The following BPTF variants were observed in gnomAD, a reference collection of about 807,000 sequenced individuals.
BPTF encodes bromodomain PHD finger transcription factor, also known as nucleosome-remodeling factor subunit BPTF.
BPTF carries 18 observed loss-of-function variants against 292.5 expected under a neutral mutation model. The ratio of observed to expected loss-of-function variants is 0.06; its 90% CI spans 0.04 to 0.09. The LOEUF is 0.09. BPTF is among the 10% of genes least tolerant of loss of function. The pLI, the probability that BPTF is intolerant of heterozygous loss-of-function variation, is 1.00. For synonymous variants in BPTF, 1,225 were observed against 1,251.9 expected (o/e 0.98, Z 0.45); for missense variants, 2,726 against 3,498.7 (o/e 0.78, Z 5.57).
At chr17:67,967,630 G>A (rs1488238194) in intron 26 of BPTF, among the ~76,000 whole-genome samples, 1 of 151,938 alleles carries the variant, frequency 6.6e-6, no homozygotes, top group Non-Finnish European at 1.5e-5. Flanking sequence ...AGACCAGCCT[G>A]GCCAACATGG....
chr17:67,955,323 G>A lies in BPTF; in HGVS notation c.7927-4218G>A, dbSNP rs1568171619. On this transcript the variant is annotated intron_variant, in intron 23 of 27. Coordinates refer to ENST00000306378, the MANE Select transcript of BPTF (RefSeq NM_182641.4). ...AAAAAAAGCTTCCTGAGGTACTCAT[G>A]TAATGATTGTTACTAGTGTAGTTGG... 3 of 148,160 alleles carry A rather than the reference G, an allele frequency of 2.0e-5. No individual in the cohort carries two copies. In the South Asian group the frequency reaches 6.3e-4, roughly 31 times the overall value. The allele number at this position is 148,160 out of a possible 1,614,324, so 9.2% of individuals were successfully genotyped here. A position where few individuals can be genotyped will look rare whatever the true frequency, so the allele number is the denominator to read the frequency against.
At position 67,913,170 on chromosome 17, in the gene BPTF, C is replaced by T. The variant is rs1327722930; in HGVS notation, c.5286C>T (p.Thr1762=). 1.9e-6 allele frequency: 3 copies of T among 1,601,704 alleles called. No homozygotes were observed. The highest frequency in any genetic ancestry group is 2.6e-6 in the Non-Finnish European group (3 of 1,175,738). Residue 1762 remains threonine, a synonymous_variant, in exon 11 of 28, where the codon ACC becomes ACT. Transcript: ENST00000306378. ...GGCCATATCCTTCTCCTAGACCGAC[C>T]TTTGGCATCACTTGGAGGTATGTAC... ...DIWPYPSPRP[T]FGITWRYRLQ...
At chr17:67,838,413 AAC>A (rs1359116756) in intron 1 of BPTF, among the ~76,000 whole-genome samples, 1 of 152,232 alleles carries the variant, frequency 6.6e-6, no homozygotes, top group Non-Finnish European at 1.5e-5. Flanking sequence ...ACATTTAGAA[AAC>A]CCAGAACATT....
chr17:67,939,733 A>T (rs1265421319), intron 18 of BPTF, among the ~76,000 whole-genome samples: 2 of 152,184 alleles, frequency 1.3e-5, no homozygotes, highest in Non-Finnish European at 2.9e-5. Context: ...ACAAAAAATT[A>T]GTCGGGTGTG....
chr17:67,874,902 G>A lies in BPTF; in HGVS notation c.1746G>A (p.Glu582=). 2 of 1,613,712 alleles carry A rather than the reference G, an allele frequency of 1.2e-6. No homozygotes were observed. Among genetic ancestry groups the A allele is most frequent in the Non-Finnish European group, 1.7e-6 (2 of 1,179,776 alleles). ...AAGAAACAGAAAAAGACAAGAATGAGACTGAGAATGACTCTAAAGATGCTG... is the reference window on the plus strand; with the variant it reads ...AAGAAACAGAAAAAGACAAGAATGAAACTGAGAATGACTCTAAAGATGCTG... The part of the protein sequence containing the change: ...SPEETEKDKN[E]TENDSKDAEK... Residue 582 remains glutamate (E), a synonymous_variant, in exon 4 of 28, where the codon GAG becomes GAA. Coordinates refer to ENST00000306378, the MANE Select transcript of BPTF (RefSeq NM_182641.4).
At chr17:67,866,234 T>C (rs2059383960) in intron 2 of BPTF, among the ~76,000 whole-genome samples, 1 of 152,240 alleles carries the variant, frequency 6.6e-6, no homozygotes, top group Non-Finnish European at 1.5e-5. Context: ...TTCCACAAAG[T>C]ACTCTCACGT....
intron 24 of BPTF, 87 bp from the exon 25 acceptor site, chr17:67,964,125 G>C (rs1182840552): frequency 7.3e-7 from 1 of 1,373,796 alleles, no homozygotes; most frequent in Non-Finnish European, 1.0e-6. Context: ...ATATCCCAGG[G>C]TTTAGCAAAT....
intron 23 of BPTF, among the ~76,000 whole-genome samples, chr17:67,958,359 A>T (rs117069581): frequency 0.012 from 1,801 of 152,202 alleles, 19 homozygotes; most frequent in Non-Finnish European, 0.017. Context: ...TACAGTAAAG[A>T]AGCTGGCCAA....
At position 67,917,131 on chromosome 17, in the gene BPTF, C is replaced by CTTTTCCTTTCTTTTTTTTT. The variant is rs1194058584; in HGVS notation, c.5304-1579_5304-1578insCCTTTCTTTTTTTTTTTTT. Among the ~76,000 whole-genome samples, 55 of 105,782 alleles carry CTTTTCCTTTCTTTTTTTTT rather than the reference C, an allele frequency of 5.2e-4. 4 individuals are homozygous for CTTTTCCTTTCTTTTTTTTT. Among genetic ancestry groups the CTTTTCCTTTCTTTTTTTTT allele is most frequent in the African/African-American group, 2.0e-3 (55 of 27,630 alleles). The allele number at this position is 105,782 out of a possible 152,430, so 69.4% of individuals were successfully genotyped here. A position where few individuals can be genotyped will look rare whatever the true frequency, so the allele number is the denominator to read the frequency against. On this transcript the variant is annotated intron_variant, in intron 11 of 27. Transcript: ENST00000306378. ...GATAAGTAACTAATATGGTATTGTC[C>CTTTTCCTTTCTTTTTTTTT]TTTTTTTTTTTTTTTTTTTGAGATA...
rs1443934738 is a variant in BPTF, at chr17:67,964,200, C to T, written c.8262-12C>T. The T allele has an allele frequency of 7.5e-6, 12 of 1,599,810 alleles. No individual in the cohort carries two copies. The Admixed American group carries it at 8.4e-5, about 11-fold the overall frequency. ...GTGTTTTGAACTCACATTTCCATTT[C>T]GGATCTTGCAGATTTTATATTGGCT... On this transcript the variant is annotated splice_polypyrimidine_tract_variant and intron_variant, in intron 24 of 27. Coordinates refer to ENST00000306378, the MANE Select transcript of BPTF (RefSeq NM_182641.4).
chr17:67,870,283 A>G (rs2145597131), intron 3 of BPTF, among the ~76,000 whole-genome samples: 1 of 149,832 alleles, frequency 6.7e-6, no homozygotes, highest in South Asian at 2.1e-4. Flanking sequence ...TTTTCGGCTA[A>G]GGTACAACAT....
At chr17:67,904,906 T>C in intron 9 of BPTF, 66 bp downstream of exon 9, 1 of 1,272,450 alleles carries the variant, frequency 7.9e-7, no homozygotes, top group Non-Finnish European at 1.1e-6. Context: ...AAATTTGTAG[T>C]ATTTTGACTA....
intron 1 of BPTF, among the ~76,000 whole-genome samples, chr17:67,831,110 T>A (rs1037767782): frequency 3.3e-5 from 5 of 152,184 alleles, no homozygotes; most frequent in African/African-American, 9.7e-5. Flanking sequence ...CCACGAAGTA[T>A]AGCTTAGATT....
chr17:67,865,387 A>C (rs186327689), intron 2 of BPTF, among the ~76,000 whole-genome samples: 3 of 152,344 alleles, frequency 2.0e-5, no homozygotes, highest in Non-Finnish European at 2.9e-5. Flanking sequence ...GTGCCCAGGC[A>C]CTGTGGTAGA....
At position 67,835,720 on chromosome 17, in the gene BPTF, C is replaced by T. The variant is rs545095639; in HGVS notation, c.613+9383C>T. ...TCGCTCTGTCGCCCAGGCTGGAGTG[C>T]GGTGGCGCGATTTCGGCTCACTGTG... On this transcript the variant is annotated intron_variant, in intron 1 of 27. Coordinates refer to ENST00000306378, the MANE Select transcript of BPTF (RefSeq NM_182641.4). 8.1e-5 allele frequency among the ~76,000 whole-genome samples: 12 copies of T among 147,548 alleles called. No individual in the cohort carries two copies. In the South Asian group the frequency reaches 1.7e-3, roughly 21 times the overall value.
rs781850403 is a variant in BPTF at position 67,945,591 on chromosome 17, A to G, written c.6883A>G (p.Thr2295Ala). 1.2e-6 allele frequency: 2 copies of G among 1,611,806 alleles called. No homozygotes were observed. Among genetic ancestry groups the G allele is most frequent in the Admixed American group, 1.7e-5 (1 of 59,426 alleles). ...GTCCCCAGCTCAGCCTGAAGTTCAG[A>G]CTCAGCCTGAAGTTCAGACCCAAAC... is the stretch of plus-strand genomic sequence containing the variant. ...PQSPAQPEVQ[T>A]QPEVQTQTTV... is the part of the protein sequence containing the mutation. The change falls in exon 21 of 28, where the codon ACT becomes GCT. Residue 2295 changes from threonine (T) to alanine (A), a missense_variant. Coordinates refer to ENST00000306378, the MANE Select transcript of BPTF (RefSeq NM_182641.4).
intron 1 of BPTF, among the ~76,000 whole-genome samples, chr17:67,847,454 C>T (rs1056065163): frequency 1.3e-5 from 2 of 151,816 alleles, no homozygotes; most frequent in African/African-American, 4.8e-5. Flanking sequence ...GCAGAGCTTG[C>T]AGTGAGCAGA....
intron 23 of BPTF, among the ~76,000 whole-genome samples, chr17:67,954,259 G>T (rs1555679932): frequency 6.6e-6 from 1 of 151,488 alleles, no homozygotes; most frequent in Non-Finnish European, 1.5e-5. Flanking sequence ...AGAATCCTGG[G>T]CTCAAGCAAG....
At chr17:67,865,671 G>A (rs895208421) in intron 2 of BPTF, among the ~76,000 whole-genome samples, 3 of 152,172 alleles carry the variant, frequency 2.0e-5, no homozygotes, top group African/African-American at 7.2e-5. Context: ...TTCCTTTTGA[G>A]TGGGGACAGA....
Sources: gnomAD v4.1 joint callset for allele counts (sites outside exome capture counted in the v4.1 genomes callset) on GRCh38, gnomAD v4.1.1 for gene constraint, MANE v1.5 for transcripts, NCBI Gene and HGNC (gene_info 2026-07-23, HGNC 2026-07-21) for gene names.